Variants in BCAS1 observed in about 807,000 individuals in gnomAD.
The protein encoded by BCAS1 is breast carcinoma-amplified sequence 1.
In BCAS1, 46 loss-of-function variants were observed where a neutral mutation model predicts 65.4. The ratio of observed to expected loss-of-function variants is 0.70; its 90% CI spans 0.55 to 0.90. The LOEUF (loss-of-function observed/expected upper bound fraction) is 0.90. Among genes scored for constraint, BCAS1 ranks in the 40% least tolerant of loss-of-function variants. The pLI, the probability that BCAS1 is intolerant of heterozygous loss-of-function variation, is 0.00. For missense variants in BCAS1, 793 were observed against 771.2 expected (o/e 1.03, Z -0.33); for synonymous variants, 298 against 293.5 (o/e 1.02, Z -0.16).
intron 3 of BCAS1, among the ~76,000 whole-genome samples, chr20:54,045,527 A>T (rs150627926): frequency 0.013 from 2,008 of 152,356 alleles, 39 homozygotes; most frequent in African/African-American, 0.045. Context: ...CCCTGAGCGG[A>T]CAAAGCCTGT....
At chr20:54,035,793 T>C (rs572202727) in intron 3 of BCAS1, among the ~76,000 whole-genome samples, 1 of 151,230 alleles carries the variant, frequency 6.6e-6, no homozygotes, top group Non-Finnish European at 1.5e-5. Context: ...AGCAAAAACA[T>C]GGAATCAACC....
At chr20:54,008,734 A>T (rs1014653125) in intron 4 of BCAS1, among the ~76,000 whole-genome samples, 9 of 152,240 alleles carry the variant, frequency 5.9e-5, no homozygotes, top group African/African-American at 2.2e-4. Flanking sequence ...GGCCTCAAAC[A>T]TAATAAAACA....
chr20:53,945,510 G>A (rs371137007), intron 12 of BCAS1, among the ~76,000 whole-genome samples: 25 of 151,906 alleles, frequency 1.6e-4, no homozygotes, highest in East Asian at 1.2e-3. Context: ...CCATTAACTC[G>A]TCATGTAACA....
chr20:54,057,383 C>T (rs2092311934), intron 3 of BCAS1, among the ~76,000 whole-genome samples: 1 of 152,220 alleles, frequency 6.6e-6, no homozygotes, highest in Non-Finnish European at 1.5e-5. Context: ...GTACTTTTAT[C>T]CCCATTTTAC....
intron 6 of BCAS1, 126 bp from the exon 7 acceptor site, chr20:53,992,772 T>C: frequency 1.1e-6 from 1 of 870,874 alleles, no homozygotes. Flanking sequence ...TCCCCTCTTC[T>C]AACCACAAAA....
chr20:54,032,463 GA>G (rs1568900703), intron 3 of BCAS1, among the ~76,000 whole-genome samples: 1 of 150,814 alleles, frequency 6.6e-6, no homozygotes, highest in East Asian at 1.9e-4. Context: ...GTATCAAATC[GA>G]CACATAGCAA....
chr20:54,008,971 G>A (rs1017966336), intron 4 of BCAS1, among the ~76,000 whole-genome samples: 2 of 152,012 alleles, frequency 1.3e-5, no homozygotes, highest in African/African-American at 4.8e-5. Context: ...GCACCACCAC[G>A]CCCAGCTAAT....
At chr20:54,039,227 G>A (rs1157738734) in intron 3 of BCAS1, among the ~76,000 whole-genome samples, 2 of 151,472 alleles carry the variant, frequency 1.3e-5, no homozygotes, top group Admixed American at 6.6e-5. Flanking sequence ...GGAGGAAGAC[G>A]TTAGATTAGA....
At chr20:54,014,883 T>C (rs1167826942) in intron 4 of BCAS1, among the ~76,000 whole-genome samples, 1 of 152,202 alleles carries the variant, frequency 6.6e-6, no homozygotes, top group Non-Finnish European at 1.5e-5. Flanking sequence ...CGTGTAGCCA[T>C]TGTCAGATTC....
At chr20:54,041,628 A>C (rs927263869) in intron 3 of BCAS1, among the ~76,000 whole-genome samples, 5 of 152,152 alleles carry the variant, frequency 3.3e-5, no homozygotes, top group African/African-American at 1.2e-4. Flanking sequence ...TAACGCCTGT[A>C]ATCCTAGCAC....
At chr20:54,062,437 C>T (rs535079072) in intron 1 of BCAS1, among the ~76,000 whole-genome samples, 4 of 152,320 alleles carry the variant, frequency 2.6e-5, no homozygotes, top group Non-Finnish European at 5.9e-5. Context: ...GTCAAGGATA[C>T]GCGCAAACAC....
intron 4 of BCAS1, 134 bp from the exon 5 acceptor site, chr20:53,996,184 A>G: frequency 1.2e-6 from 1 of 844,808 alleles, no homozygotes; most frequent in Admixed American, 3.0e-5. Context: ...CGTGCAGAAC[A>G]ATCATGAGAT....
At chr20:54,034,710 A>G (rs1046144963) in intron 3 of BCAS1, among the ~76,000 whole-genome samples, 3 of 151,494 alleles carry the variant, frequency 2.0e-5, no homozygotes, top group Non-Finnish European at 4.4e-5. Flanking sequence ...CATATTGCCC[A>G]GAGCAATTTA....
chr20:53,976,873 A>T (rs919258618), intron 8 of BCAS1, among the ~76,000 whole-genome samples: 10 of 152,244 alleles, frequency 6.6e-5, no homozygotes, highest in African/African-American at 2.4e-5. Flanking sequence ...AATTTCTGAA[A>T]GCTTCTGATT....
chr20:54,052,245 C>T (rs1255684595), intron 3 of BCAS1, among the ~76,000 whole-genome samples: 2 of 152,136 alleles, frequency 1.3e-5, no homozygotes, highest in Non-Finnish European at 2.9e-5. Flanking sequence ...TTCTCGATGC[C>T]CCTCTGCAGT....
intron 3 of BCAS1, among the ~76,000 whole-genome samples, chr20:54,046,107 G>A (rs1297488677): frequency 1.3e-5 from 2 of 152,156 alleles, no homozygotes; most frequent in African/African-American, 2.4e-5. Flanking sequence ...AAGTATATAT[G>A]CATGTAAAAA....
In BCAS1 at chr20:54,028,600, A is replaced by G; in HGVS notation, c.515T>C (p.Leu172Pro). Reference sequence around the variant, plus strand: ...TGCTCCCCCTGTCTCAGGTGGGAGAAGCGTGGGATCCCTGGCGGCAGAGAG... The same window carrying G: ...TGCTCCCCCTGTCTCAGGTGGGAGAGGCGTGGGATCCCTGGCGGCAGAGAG... ...KVLSAARDPT[L>P]LPPETGGAGG... is the part of the protein sequence containing the mutation. The change falls in exon 4 of 13, where the codon CTT becomes CCT. Residue 172 changes from leucine to proline, a missense_variant. Leu to Pro is a moderately conservative substitution (Grantham distance 98, BLOSUM62 -3). Transcript: ENST00000688948. 1 of 1,614,094 alleles carries G rather than the reference A, an allele frequency of 6.2e-7. No homozygotes were observed. The highest frequency in any genetic ancestry group is 1.6e-4 in the Middle Eastern group (1 of 6,062).
chr20:54,025,803 T>G (rs1233962702), intron 4 of BCAS1, among the ~76,000 whole-genome samples: 1 of 152,126 alleles, frequency 6.6e-6, no homozygotes, highest in African/African-American at 2.4e-5. Context: ...TTCATGTTAC[T>G]TTCTGAGGGT....
chr20:53,985,612 CT>C, intron 7 of BCAS1, 113 bp from the exon 8 acceptor site: 1 of 926,184 alleles, frequency 1.1e-6, no homozygotes. Context: ...TGTTAATTTT[CT>C]TCTTTATATT....
Sources: gnomAD v4.1 joint callset for allele counts (sites outside exome capture counted in the v4.1 genomes callset) on GRCh38, gnomAD v4.1.1 for gene constraint, MANE v1.5 for transcripts, NCBI Gene and HGNC (gene_info 2026-07-23, HGNC 2026-07-21) for gene names.